Variants in RALYL observed in about 807,000 individuals in gnomAD.
RALYL encodes the protein RNA-binding Raly-like protein.
RALYL carries 29 observed loss-of-function variants against 35.1 expected under a neutral mutation model. The observed-to-expected ratio is 0.83, with a 90% CI of 0.61 to 1.13. RALYL has a LOEUF of 1.13. Among genes scored for constraint, RALYL ranks in the 50% most tolerant of loss-of-function variants. RALYL has a pLI of 0.00. For synonymous variants in RALYL, 120 were observed against 127.6 expected (o/e 0.94, Z 0.40); for missense variants, 359 against 360.4 (o/e 1.00, Z 0.03).
At chr8:84,745,812 T>TC (rs903788528) in intron 2 of RALYL, among the ~76,000 whole-genome samples, 3 of 152,070 alleles carry the variant, frequency 2.0e-5, no homozygotes, top group African/African-American at 7.2e-5. Context: ...CCTTTCCATA[T>TC]CCCTTGGGCC....
intron 1 of RALYL, among the ~76,000 whole-genome samples, chr8:84,250,233 T>G (rs761424099): frequency 1.3e-5 from 2 of 152,156 alleles, no homozygotes; most frequent in Non-Finnish European, 2.9e-5. Context: ...CTTTTTGAAC[T>G]TCACATTACA....
intron 1 of RALYL, among the ~76,000 whole-genome samples, chr8:84,309,479 C>G (rs1000197722): frequency 6.6e-6 from 1 of 151,846 alleles, no homozygotes; most frequent in African/African-American, 2.4e-5. Flanking sequence ...CTCTCTATAA[C>G]ACTTTTATTA....
At chr8:84,909,242 T>C (rs1847095810) in intron 8 of RALYL, among the ~76,000 whole-genome samples, 1 of 152,186 alleles carries the variant, frequency 6.6e-6, no homozygotes, top group Non-Finnish European at 1.5e-5. Context: ...CATTTGTTTC[T>C]ATAGAGCAAG....
chr8:84,460,707 A>C (rs1202714632), intron 1 of RALYL, among the ~76,000 whole-genome samples: 1 of 151,710 alleles, frequency 6.6e-6, no homozygotes, highest in East Asian at 1.9e-4. Context: ...GGGTCGGGGA[A>C]CAAAAGTGGA....
intron 2 of RALYL, among the ~76,000 whole-genome samples, chr8:84,717,310 G>C (rs538496779): frequency 2.2e-4 from 33 of 152,248 alleles, no homozygotes; most frequent in African/African-American, 7.7e-4. Flanking sequence ...TTGTTTATCA[G>C]GTTAAAGATG....
chr8:84,192,926 G>A (rs1166425760), intron 1 of RALYL, among the ~76,000 whole-genome samples: 5 of 149,254 alleles, frequency 3.3e-5, no homozygotes, highest in Non-Finnish European at 7.4e-5. Context: ...GGTTGTGTAC[G>A]TGTATATGTA....
At chr8:84,484,316 C>T (rs2054371654) in intron 1 of RALYL, among the ~76,000 whole-genome samples, 1 of 152,010 alleles carries the variant, frequency 6.6e-6, no homozygotes, top group Admixed American at 6.6e-5. Context: ...TCTCAGAGTT[C>T]TTGAAAGTAG....
intron 3 of RALYL, among the ~76,000 whole-genome samples, chr8:84,801,981 A>G (rs1429097118): frequency 6.6e-6 from 1 of 152,208 alleles, no homozygotes; most frequent in Admixed American, 6.5e-5. Flanking sequence ...AAAGTAAAGA[A>G]AGCCTATTTT....
In RALYL at chr8:84,610,448, A is replaced by G. The variant is rs147171646; in HGVS notation, c.256+80871A>G. 2.0e-5 allele frequency among the ~76,000 whole-genome samples: 3 copies of G among 152,224 alleles called. No homozygotes were observed. The East Asian group carries it at 5.8e-4, about 30-fold the overall frequency. On this transcript the variant is annotated intron_variant, in intron 2 of 8. Transcript: ENST00000521268. ...AATTTTTAGCACATCACAACAAAGG[A>G]TACATATATCCTTTATGTATAACTG...
intron 2 of RALYL, among the ~76,000 whole-genome samples, chr8:84,722,641 ATATATATG>A (rs1844184632): frequency 4.2e-5 from 6 of 143,782 alleles, no homozygotes; most frequent in Admixed American, 7.0e-5. Flanking sequence ...ATATATATAT[ATATATATG>A]TATGTATATA....
At chr8:84,497,478 G>A (rs2056157635) in intron 1 of RALYL, among the ~76,000 whole-genome samples, 2 of 152,046 alleles carry the variant, frequency 1.3e-5, no homozygotes, top group Non-Finnish European at 2.9e-5. Context: ...AGCTTGGGTA[G>A]AGAAATTAAC....
At chr8:84,892,455 C>T (rs1221819101) in intron 8 of RALYL, among the ~76,000 whole-genome samples, 1 of 151,772 alleles carries the variant, frequency 6.6e-6, no homozygotes, top group East Asian at 1.9e-4. Context: ...ACTAAAAATA[C>T]AAAAATTAGC....
At chr8:84,849,049 G>A (rs1420831441) in intron 4 of RALYL, among the ~76,000 whole-genome samples, 1 of 152,076 alleles carries the variant, frequency 6.6e-6, no homozygotes, top group Non-Finnish European at 1.5e-5. Context: ...ATTTCTTCAG[G>A]TTATGCTGTC....
chr8:84,860,493 A>C lies in RALYL; in HGVS notation c.414-1803A>C, dbSNP rs577307522. On this transcript the variant is annotated intron_variant, in intron 5 of 8. Coordinates refer to ENST00000521268, the MANE Select transcript of RALYL (RefSeq NM_173848.7). ...TGACTTAAGGTGCTCTGTGAATTCA[A>C]CTTATAAATAACTAATGTAGATCTT... Among the ~76,000 whole-genome samples, 15 of 152,354 alleles carry C rather than the reference A, an allele frequency of 9.8e-5. No individual in the cohort carries two copies. In the East Asian group the frequency reaches 1.9e-3, roughly 20 times the overall value.
chr8:84,729,690 G>C (rs1845748315), intron 2 of RALYL, among the ~76,000 whole-genome samples: 2 of 151,998 alleles, frequency 1.3e-5, no homozygotes, highest in Non-Finnish European at 2.9e-5. Context: ...AATAAAAAAT[G>C]ATAAAGGGGA....
chr8:84,528,800 G>T (rs2059079928), intron 1 of RALYL, among the ~76,000 whole-genome samples: 1 of 151,978 alleles, frequency 6.6e-6, no homozygotes, highest in Non-Finnish European at 1.5e-5. Flanking sequence ...GGAACAAATT[G>T]TTAGTTTCTG....
At chr8:84,216,055 T>TA (rs1465294993) in intron 1 of RALYL, among the ~76,000 whole-genome samples, 5 of 152,146 alleles carry the variant, frequency 3.3e-5, no homozygotes, top group African/African-American at 1.2e-4. Context: ...ATTTTGCACT[T>TA]ATCATATATT....
At chr8:84,669,800 A>G (rs912940105) in intron 2 of RALYL, among the ~76,000 whole-genome samples, 15 of 152,266 alleles carry the variant, frequency 9.9e-5, no homozygotes, top group Admixed American at 4.6e-4. Flanking sequence ...GATTCATACC[A>G]TAGCTAAGTA....
intron 1 of RALYL, among the ~76,000 whole-genome samples, chr8:84,387,674 C>T (rs2131708174): frequency 6.6e-6 from 1 of 151,874 alleles, no homozygotes; most frequent in East Asian, 2.0e-4. Context: ...TATTTGGGAT[C>T]CCATCTTTCT....
Sources: gnomAD v4.1 joint callset for allele counts (sites outside exome capture counted in the v4.1 genomes callset) on GRCh38, gnomAD v4.1.1 for gene constraint, MANE v1.5 for transcripts, NCBI Gene and HGNC (gene_info 2026-07-23, HGNC 2026-07-21) for gene names.